Variants in CCDC146 observed in about 807,000 individuals in gnomAD.
CCDC146 encodes the protein coiled-coil domain-containing protein 146.
A neutral mutation model predicts 119.3 loss-of-function variants in CCDC146; 92 were observed. That is an observed-to-expected ratio of 0.77 (90% CI 0.65 to 0.92). The LOEUF (loss-of-function observed/expected upper bound fraction) is 0.92, where lower values mean the gene tolerates loss of function less well. Ranked by LOEUF, CCDC146 falls within the 40% of genes least tolerant of loss-of-function variation. CCDC146 has a pLI of 0.00. For synonymous variants in CCDC146, 372 were observed against 371.8 expected (o/e 1.00, Z -0.01); for missense variants, 1,000 against 1,103.0 (o/e 0.91, Z 1.32).
At chr7:77,284,450 C>A (rs1435386220) in intron 15 of CCDC146, among the ~76,000 whole-genome samples, 1 of 151,958 alleles carries the variant, frequency 6.6e-6, no homozygotes, top group Non-Finnish European at 1.5e-5. Context: ...CTCTCTCCAG[C>A]TTTTTCCCAA....
In CCDC146 at chr7:77,262,143, C is replaced by T. The variant is rs780042338; in HGVS notation, c.1009C>T (p.Arg337Cys). ...CAGAGGGATCTTGGATCTCAATTTA[C>T]GCAACAGTCTCATTGACAAGCAGAA... The part of the protein sequence containing the change: ...TERGILDLNL[R>C]NSLIDKQNYH... The change falls in exon 9 of 19, where the codon CGC (arginine) becomes TGC (cysteine). Residue 337 changes from arginine to cysteine, a missense_variant. Arg to Cys is a radical substitution (Grantham distance 180). Transcript: ENST00000285871. The T allele has an allele frequency of 4.0e-5, 65 of 1,605,436 alleles. No homozygotes were observed. Among genetic ancestry groups the T allele is most frequent in the Middle Eastern group, 1.7e-4 (1 of 6,018 alleles).
At chr7:77,279,151 A>G (rs1185148900) in intron 13 of CCDC146, 50 bp downstream of exon 13, 2 of 1,575,414 alleles carry the variant, frequency 1.3e-6, no homozygotes, top group South Asian at 2.4e-5. Context: ...TTTCTGATTC[A>G]TTTGAACTCT....
At chr7:77,157,204 C>A (rs1273366043) in intron 1 of CCDC146, among the ~76,000 whole-genome samples, 1 of 99,802 alleles carries the variant, frequency 1.0e-5, no homozygotes, top group East Asian at 2.5e-4. Flanking sequence ...AAAGAACACT[C>A]AGGTTCTGTG....
chr7:77,161,596 A>T (rs1337691580), intron 1 of CCDC146, among the ~76,000 whole-genome samples: 1 of 136,292 alleles, frequency 7.3e-6, no homozygotes, highest in Non-Finnish European at 1.5e-5. Flanking sequence ...ATGAGAACAC[A>T]TGGACCCAGG....
intron 2 of CCDC146, among the ~76,000 whole-genome samples, chr7:77,197,729 C>A (rs1462268985): frequency 6.6e-6 from 1 of 152,098 alleles, no homozygotes; most frequent in Non-Finnish European, 1.5e-5. Flanking sequence ...TAAAGAAGCT[C>A]AAGTGAAAAA....
chr7:77,278,272 C>T lies in CCDC146; in HGVS notation c.1441-480C>T, dbSNP rs143722823. ...GTCCAAACTTTTCCTCAAACCCAAG[C>T]CATGCAGGCTCTTTGCGTTTTCTCT... On this transcript the variant is annotated intron_variant, in intron 11 of 18. Transcript: ENST00000285871. Among the ~76,000 whole-genome samples, 436 of 152,230 alleles carry T rather than the reference C, an allele frequency of 2.9e-3. 1 individual carries two copies. The highest frequency in any genetic ancestry group is 0.024 in the Middle Eastern group (7 of 294).
chr7:77,275,411 C>T (rs1390363399), intron 11 of CCDC146, among the ~76,000 whole-genome samples: 1 of 152,104 alleles, frequency 6.6e-6, no homozygotes, highest in Non-Finnish European at 1.5e-5. Flanking sequence ...GAAAGATAGT[C>T]CCAAGATTCA....
At chr7:77,136,707 A>G (rs185298407) in intron 1 of CCDC146, among the ~76,000 whole-genome samples, 6 of 152,340 alleles carry the variant, frequency 3.9e-5, no homozygotes, top group African/African-American at 1.4e-4. Context: ...GGAAAAAATT[A>G]TACTAATTCA....
intron 16 of CCDC146, 149 bp downstream of exon 16, chr7:77,287,075 C>T (rs1793861746): frequency 5.7e-6 from 5 of 882,764 alleles, no homozygotes; most frequent in East Asian, 2.6e-5. Flanking sequence ...TCTAGTCATA[C>T]ATTCTAAGCT....
intron 4 of CCDC146, 61 bp downstream of exon 4, chr7:77,241,961 C>T (rs1792858252): frequency 7.5e-7 from 1 of 1,338,566 alleles, no homozygotes; most frequent in Admixed American, 1.8e-5. Context: ...AGAAAAAAAT[C>T]AGATTAAGTT....
chr7:77,232,491 G>C (rs1393208619), intron 2 of CCDC146, among the ~76,000 whole-genome samples: 1 of 152,172 alleles, frequency 6.6e-6, no homozygotes, highest in Non-Finnish European at 1.5e-5. Context: ...TAGCCCTTAT[G>C]ATATCTGTTT....
At chr7:77,222,618 CA>C (rs2150464023) in intron 2 of CCDC146, among the ~76,000 whole-genome samples, 1 of 152,348 alleles carries the variant, frequency 6.6e-6, no homozygotes, top group South Asian at 2.1e-4. Context: ...CCCACATTTA[CA>C]ATGACAATCC....
intron 2 of CCDC146, among the ~76,000 whole-genome samples, chr7:77,232,118 T>C (rs1246167954): frequency 1.3e-5 from 2 of 152,200 alleles, no homozygotes; most frequent in African/African-American, 4.8e-5. Context: ...TTGTTCCTTG[T>C]TTTTTTGTTT....
intron 2 of CCDC146, among the ~76,000 whole-genome samples, chr7:77,201,895 G>C (rs952258208): frequency 1.3e-5 from 2 of 150,986 alleles, no homozygotes; most frequent in African/African-American, 4.9e-5. Context: ...TTAAAAAGGA[G>C]ACATGATGAC....
At chr7:77,197,735 A>G (rs1256726151) in intron 2 of CCDC146, among the ~76,000 whole-genome samples, 2 of 152,220 alleles carry the variant, frequency 1.3e-5, no homozygotes, top group Admixed American at 6.5e-5. Context: ...AGCTCAAGTG[A>G]AAAAGAAGTA....
At chr7:77,219,864 C>A (rs771137565) in intron 2 of CCDC146, among the ~76,000 whole-genome samples, 2 of 152,060 alleles carry the variant, frequency 1.3e-5, no homozygotes, top group Non-Finnish European at 2.9e-5. Context: ...AGATCACATG[C>A]TTCAAAGGTA....
intron 1 of CCDC146, among the ~76,000 whole-genome samples, chr7:77,140,959 G>T (rs986875275): frequency 6.6e-6 from 1 of 151,744 alleles, no homozygotes; most frequent in African/African-American, 2.4e-5. Flanking sequence ...TGGGATACAT[G>T]TGCAGAATGT....
rs964627375 is a variant in CCDC146, at chr7:77,262,198, G to A, written c.1064G>A (p.Arg355Lys). The change falls in exon 9 of 19, where the codon AGA (arginine) becomes AAA (lysine). Residue 355 changes from arginine (R) to lysine (K), a missense_variant. Physicochemically the swap from Arg to Lys is conservative, Grantham distance 26 (BLOSUM62 2). Around this residue, in one of 2 missense-constraint regions of CCDC146, gnomAD observed 985 missense variants for 1,045.3 expected, o/e 0.94. Transcript: ENST00000285871. ...CATGATGAACTTTCTCGTAAGCAAA[G>A]AGAGAAAGAACGAGATTTTCGAAAT... is the stretch of plus-strand genomic sequence containing the variant. Reference protein sequence around the residue: ...NYHDELSRKQREKERDFRNLR... With the variant: ...NYHDELSRKQKEKERDFRNLR... 6.2e-6 allele frequency: 10 copies of A among 1,613,860 alleles called. No homozygotes were observed. Among genetic ancestry groups the A allele is most frequent in the Non-Finnish European group, 8.5e-6 (10 of 1,179,872 alleles).
chr7:77,273,555 C>G (rs955264355), intron 9 of CCDC146, 139 bp from the exon 10 acceptor site: 1 of 407,818 alleles, frequency 2.5e-6, no homozygotes, highest in African/African-American at 2.1e-5. Context: ...GAGTCTCACT[C>G]TGTCACCCAG....
Sources: gnomAD v4.1 joint callset for allele counts (sites outside exome capture counted in the v4.1 genomes callset) on GRCh38, gnomAD v4.1.1 for gene constraint, gnomAD v4.1.1 regional missense constraint, MANE v1.5 for transcripts, NCBI Gene and HGNC (gene_info 2026-07-23, HGNC 2026-07-21) for gene names.